The following OPCML variants were observed in gnomAD, a reference collection of about 807,000 sequenced individuals.
The protein encoded by OPCML is opioid binding protein/cell adhesion molecule like.
Under a neutral mutation model 37.8 loss-of-function variants are expected in OPCML, and 13 were observed. The observed-to-expected ratio is 0.34, with a 90% confidence interval of 0.22 to 0.55. OPCML has a LOEUF of 0.55. Among genes scored for constraint, OPCML ranks in the 20% least tolerant of loss-of-function variants. OPCML has a pLI of 0.91. For missense variants in OPCML, 341 were observed against 435.6 expected, an observed-to-expected ratio of 0.78 and a Z score of 1.93; for synonymous variants, 176 against 168.8, an observed-to-expected ratio of 1.04 and a Z score of -0.33.
chr11:133,477,163 T>C lies in OPCML; in HGVS notation c.61+55101A>G, dbSNP rs573864206. On this transcript the variant is annotated intron_variant, in intron 1 of 7. Coordinates refer to ENST00000524381, the MANE Select transcript of OPCML (RefSeq NM_001012393.5). Reference sequence around the variant, plus strand: ...GGTTGTTTCTCCATTACAGTTGTTTTTCCCCCCACGTTTTTCTGTTCGCCC... The same window carrying C: ...GGTTGTTTCTCCATTACAGTTGTTTCTCCCCCCACGTTTTTCTGTTCGCCC... Among the ~76,000 whole-genome samples, 10 of 151,818 alleles carry C rather than the reference T, an allele frequency of 6.6e-5. No individual in the cohort carries two copies. In the East Asian group the frequency reaches 1.6e-3, roughly 24 times the overall value.
intron 2 of OPCML, among the ~76,000 whole-genome samples, chr11:132,893,943 T>C (rs1943743900): frequency 2.0e-5 from 3 of 152,190 alleles, no homozygotes. Context: ...TGAAAACTTC[T>C]AGAAGCTAAA....
chr11:132,654,135 G>T (rs1941576284), intron 3 of OPCML, among the ~76,000 whole-genome samples: 1 of 152,154 alleles, frequency 6.6e-6, no homozygotes, highest in African/African-American at 2.4e-5. Context: ...AGAACTCTGG[G>T]GCTTCTTTCT....
intron 1 of OPCML, among the ~76,000 whole-genome samples, chr11:133,310,084 C>T (rs766178338): frequency 2.6e-5 from 4 of 152,096 alleles, no homozygotes; most frequent in East Asian, 1.9e-4. Flanking sequence ...TGGATAAAAT[C>T]GTAGAGAAAG....
At chr11:133,270,589 G>A (rs1208507521) in intron 1 of OPCML, among the ~76,000 whole-genome samples, 1 of 152,094 alleles carries the variant, frequency 6.6e-6, no homozygotes, top group East Asian at 1.9e-4. Flanking sequence ...CATTCCCATA[G>A]CAATTTCTTG....
chr11:132,707,257 G>T (rs1238779767), intron 2 of OPCML, among the ~76,000 whole-genome samples: 1 of 152,160 alleles, frequency 6.6e-6, no homozygotes, highest in Non-Finnish European at 1.5e-5. Flanking sequence ...GAGCTTCAGA[G>T]CCAAGGCCCA....
chr11:133,096,007 AT>A (rs1948996438), intron 1 of OPCML, among the ~76,000 whole-genome samples: 1 of 152,074 alleles, frequency 6.6e-6, no homozygotes, highest in African/African-American at 2.4e-5. Context: ...TCAGATCTAC[AT>A]AAAGGAAGTG....
At chr11:132,542,432 T>C (rs2096358965) in intron 3 of OPCML, among the ~76,000 whole-genome samples, 1 of 152,174 alleles carries the variant, frequency 6.6e-6, no homozygotes, top group Non-Finnish European at 1.5e-5. Context: ...CCATGACCCT[T>C]CTTCTAAGTT....
At chr11:133,432,092 T>C (rs1010443766) in intron 1 of OPCML, among the ~76,000 whole-genome samples, 1 of 152,054 alleles carries the variant, frequency 6.6e-6, no homozygotes, top group African/African-American at 2.4e-5. Context: ...CAGGGCCTAC[T>C]TGAAGGTGCT....
At chr11:132,454,887 A>G (rs1007413062) in intron 4 of OPCML, among the ~76,000 whole-genome samples, 4 of 152,134 alleles carry the variant, frequency 2.6e-5, no homozygotes, top group Admixed American at 6.5e-5. Context: ...TATTTTTTTC[A>G]GTAGGGTTTA....
chr11:132,639,340 C>T (rs927151480), intron 3 of OPCML, among the ~76,000 whole-genome samples: 2 of 152,208 alleles, frequency 1.3e-5, no homozygotes, highest in African/African-American at 4.8e-5. Context: ...TGAGAGGCAG[C>T]ATCTCAACTC....
chr11:133,161,975 C>T (rs1212845857), intron 1 of OPCML, among the ~76,000 whole-genome samples: 1 of 138,172 alleles, frequency 7.2e-6, no homozygotes, highest in Non-Finnish European at 1.5e-5. Context: ...GTAAGAGAGG[C>T]AGTCTCTGTC....
At chr11:133,057,262 C>A (rs747735491) in intron 1 of OPCML, among the ~76,000 whole-genome samples, 5 of 152,246 alleles carry the variant, frequency 3.3e-5, no homozygotes, top group Non-Finnish European at 5.9e-5. Flanking sequence ...GGGAATACCT[C>A]TTACATAACC....
intron 1 of OPCML, among the ~76,000 whole-genome samples, chr11:133,157,196 G>A (rs910792501): frequency 6.6e-5 from 10 of 152,186 alleles, no homozygotes; most frequent in Non-Finnish European, 1.2e-4. Flanking sequence ...GCGCGCACAC[G>A]GTGTACTGCG....
intron 3 of OPCML, among the ~76,000 whole-genome samples, chr11:132,577,687 G>T (rs1378843337): frequency 6.6e-6 from 1 of 152,146 alleles, no homozygotes; most frequent in African/African-American, 2.4e-5. Flanking sequence ...CTAGATAACT[G>T]CCTAGTCCTT....
intron 1 of OPCML, among the ~76,000 whole-genome samples, chr11:133,368,838 G>T (rs989615612): frequency 6.6e-6 from 1 of 152,150 alleles, no homozygotes; most frequent in Non-Finnish European, 1.5e-5. Context: ...ACCCAGCATG[G>T]TATTCAGCCG....
intron 1 of OPCML, among the ~76,000 whole-genome samples, chr11:133,285,802 A>G (rs979424903): frequency 3.3e-5 from 5 of 152,194 alleles, no homozygotes; most frequent in Non-Finnish European, 7.3e-5. Context: ...ATGGAAGCAT[A>G]TTGGTATGCT....
chr11:132,568,800 G>A (rs1591563074), intron 3 of OPCML, among the ~76,000 whole-genome samples: 2 of 152,234 alleles, frequency 1.3e-5, no homozygotes, highest in South Asian at 2.1e-4. Flanking sequence ...TGAAACTAAC[G>A]CAGCTGCCAT....
chr11:133,207,216 C>T (rs1435665030), intron 1 of OPCML, among the ~76,000 whole-genome samples: 5 of 151,648 alleles, frequency 3.3e-5, no homozygotes, highest in South Asian at 2.1e-4. Flanking sequence ...AGGAGAATGG[C>T]GTGAACCCAG....
intron 1 of OPCML, among the ~76,000 whole-genome samples, chr11:133,197,066 G>A (rs1447134083): frequency 6.6e-6 from 1 of 152,282 alleles, no homozygotes; most frequent in Admixed American, 6.5e-5. Flanking sequence ...TCAGAAATGT[G>A]CTGTCTTAGT....
Sources: gnomAD v4.1 joint callset for allele counts (sites outside exome capture counted in the v4.1 genomes callset) on GRCh38, gnomAD v4.1.1 for gene constraint, MANE v1.5 for transcripts, NCBI Gene and HGNC (gene_info 2026-07-23, HGNC 2026-07-21) for gene names.